BICD1: variants seen among roughly 807,000 people sequenced by gnomAD.
BICD1 encodes protein bicaudal D homolog 1.
In BICD1, 35 loss-of-function variants were observed where a neutral mutation model predicts 92.5. The observed-to-expected ratio is 0.38, with a 90% CI of 0.29 to 0.50. The LOEUF is 0.50. BICD1 is among the 20% of genes least tolerant of loss of function. The pLI, the probability that BICD1 is intolerant of heterozygous loss-of-function variation, is 0.93. For missense variants in BICD1, 950 were observed against 1,189.8 expected, an observed-to-expected ratio of 0.80 and a Z score of 2.97; for synonymous variants, 429 against 465.1, an observed-to-expected ratio of 0.92 and a Z score of 1.00.
intron 1 of BICD1, among the ~76,000 whole-genome samples, chr12:32,119,766 G>A (rs1942076349): frequency 6.6e-6 from 1 of 152,206 alleles, no homozygotes; most frequent in South Asian, 2.1e-4. Context: ...AGCTATTCGG[G>A]AGACTGAGGC....
chr12:32,178,206 A>G (rs114098527), intron 1 of BICD1, among the ~76,000 whole-genome samples: 1 of 152,040 alleles, frequency 6.6e-6, no homozygotes, highest in African/African-American at 2.4e-5. Flanking sequence ...TCAAGATTCT[A>G]TTTGTCACCG....
chr12:32,308,612 T>G (rs1353059965), intron 4 of BICD1, among the ~76,000 whole-genome samples: 2 of 152,200 alleles, frequency 1.3e-5, no homozygotes, highest in East Asian at 3.8e-4. Flanking sequence ...TTTTGGGCTA[T>G]TAGCTCAAGG....
At position 32,233,340 on chromosome 12, in the gene BICD1, A is replaced by AG; in HGVS notation, c.426+16882dup. On this transcript the variant is annotated intron_variant, in intron 2 of 9. Coordinates refer to ENST00000652176, the MANE Select transcript of BICD1 (RefSeq NM_001714.4). The stretch of plus-strand genomic sequence containing the variant: ...CTGTCTTTAAAAAAAAAAAAAAAAA[A>AG]GTAGGCTTACACATATTCCCTTTAC... Among the ~76,000 whole-genome samples the AG allele has an allele frequency of 1.5e-5, 2 of 137,506 alleles. 1 individual carries two copies. Among genetic ancestry groups the AG allele is most frequent in the South Asian group, 4.8e-4 (2 of 4,194 alleles). The allele number at this position is 137,506 out of a possible 152,430, so 90.2% of individuals were successfully genotyped here.
chr12:32,254,549 C>T (rs1946666894), intron 2 of BICD1, among the ~76,000 whole-genome samples: 1 of 152,246 alleles, frequency 6.6e-6, no homozygotes, highest in Non-Finnish European at 1.5e-5. Flanking sequence ...ATAGGCAGCA[C>T]AAGCACATAA....
intron 9 of BICD1, among the ~76,000 whole-genome samples, chr12:32,376,665 C>G (rs1335600886): frequency 6.6e-6 from 1 of 151,830 alleles, no homozygotes; most frequent in East Asian, 2.0e-4. Flanking sequence ...GTCAGGAGTT[C>G]GAGACCAGCC....
rs1055859064 is a variant in BICD1 at position 32,379,870 on chromosome 12, G to T, written c.*2243G>T. 1 of 152,154 alleles carries T rather than the reference G, an allele frequency of 6.6e-6. No individual in the cohort carries two copies. Among genetic ancestry groups the T allele is most frequent in the African/African-American group, 2.4e-5 (1 of 41,438 alleles). The allele number at this position is 152,154 out of a possible 1,614,324, so 9.4% of individuals were successfully genotyped here. Reference sequence around the variant, plus strand: ...GGAAGTATTGTCTGTGTGTGATGACGGGGCAGTATTGCCAGTCGGCAATGT... The same window carrying T: ...GGAAGTATTGTCTGTGTGTGATGACTGGGCAGTATTGCCAGTCGGCAATGT... On this transcript the variant is annotated 3_prime_UTR_variant, in exon 10 of 10. Transcript: ENST00000652176.
At chr12:32,272,361 G>A (rs769285297) in intron 2 of BICD1, among the ~76,000 whole-genome samples, 2 of 152,176 alleles carry the variant, frequency 1.3e-5, no homozygotes, top group Admixed American at 1.3e-4. Context: ...CTTCCAAGCT[G>A]TATGTCTACA....
At chr12:32,334,813 G>A in intron 6 of BICD1, 146 bp downstream of exon 6, 2 of 879,028 alleles carry the variant, frequency 2.3e-6, no homozygotes, top group South Asian at 5.3e-5. Flanking sequence ...AGTCCACTCT[G>A]ACGTATCTAA....
In BICD1 at chr12:32,337,635, T is replaced by A; in HGVS notation, c.2389T>A (p.Leu797Ile). The change falls in exon 7 of 10, where the codon TTA becomes ATA. Residue 797 changes from leucine (L) to isoleucine (I), a missense_variant. Around this residue, in one of 5 missense-constraint regions of BICD1, gnomAD observed 309 missense variants for 499.4 expected, o/e 0.62. Coordinates refer to ENST00000652176, the MANE Select transcript of BICD1 (RefSeq NM_001714.4). This position sits in a 1 kb window ranked among gnomAD's most constrained non-coding sequence, Gnocchi z 4.7. The part of the protein sequence containing the change: ...KLALTQRLED[L>I]EFDHEQSRRS... Reference sequence around the variant, plus strand: ...CGCCCTGACCCAGAGGCTGGAGGACTTAGAGTTTGACCATGAGCAGTCCCG... The same window carrying A: ...CGCCCTGACCCAGAGGCTGGAGGACATAGAGTTTGACCATGAGCAGTCCCG... The A allele has an allele frequency of 6.2e-7, 1 of 1,614,136 alleles. No homozygotes were observed. The highest frequency in any genetic ancestry group is 8.5e-7 in the Non-Finnish European group (1 of 1,180,010).
intron 2 of BICD1, among the ~76,000 whole-genome samples, chr12:32,283,152 G>T (rs1416660789): frequency 2.0e-5 from 3 of 151,030 alleles, no homozygotes; most frequent in Admixed American, 1.3e-4. Flanking sequence ...TGTAGGAAGA[G>T]GAAGAGAGAG....
chr12:32,171,550 C>A (rs888586848), intron 1 of BICD1, among the ~76,000 whole-genome samples: 1 of 152,156 alleles, frequency 6.6e-6, no homozygotes, highest in East Asian at 1.9e-4. Context: ...GTCTGGAGTA[C>A]ACAGTAAGGC....
At chr12:32,187,014 C>T (rs1483694230) in intron 1 of BICD1, among the ~76,000 whole-genome samples, 1 of 152,184 alleles carries the variant, frequency 6.6e-6, no homozygotes, top group Non-Finnish European at 1.5e-5. Flanking sequence ...TTTGAACTCT[C>T]TGGATCTCGG....
chr12:32,303,755 T>G (rs1017627124), intron 3 of BICD1, among the ~76,000 whole-genome samples: 1 of 152,248 alleles, frequency 6.6e-6, no homozygotes. Context: ...AATCTCCTCC[T>G]GTCTACCTCC....
chr12:32,107,047 G>C lies in BICD1; in HGVS notation c.-285G>C. On this transcript the variant is annotated 5_prime_UTR_variant, in exon 1 of 10. Transcript: ENST00000652176. ...GCAGCCCGGGCCATGCCGCACGGCT[G>C]CTGACCGCACGCAGGGGCCGGCCCC... 2.5e-6 allele frequency: 1 copy of C among 405,486 alleles called. No individual in the cohort carries two copies. The highest frequency in any genetic ancestry group is 2.9e-5 in the South Asian group (1 of 34,398). 25.1% of individuals were successfully genotyped at this position (405,486 alleles called of 1,614,324 possible). A position where few individuals can be genotyped will look rare whatever the true frequency, so the allele number is the denominator to read the frequency against.
intron 2 of BICD1, among the ~76,000 whole-genome samples, chr12:32,235,732 G>A (rs1055485995): frequency 2.8e-5 from 4 of 142,430 alleles, no homozygotes; most frequent in African/African-American, 1.0e-4. Context: ...ACAGAGTCTC[G>A]ATCAGCCACC....
intron 8 of BICD1, among the ~76,000 whole-genome samples, chr12:32,358,366 G>C (rs1349447815): frequency 6.6e-6 from 1 of 151,764 alleles, no homozygotes; most frequent in Non-Finnish European, 1.5e-5. Flanking sequence ...TTCCCAAAGT[G>C]CTGGGATTAC....
chr12:32,365,681 T>G (rs1229432827), intron 8 of BICD1, among the ~76,000 whole-genome samples: 1 of 152,324 alleles, frequency 6.6e-6, no homozygotes, highest in Middle Eastern at 3.4e-3. Flanking sequence ...CTTAACTGCC[T>G]GTCTGGTGGC....
chr12:32,334,294 G>A (rs971369923), intron 5 of BICD1, among the ~76,000 whole-genome samples: 4 of 152,082 alleles, frequency 2.6e-5, no homozygotes, highest in South Asian at 4.2e-4. Context: ...GGCTCGCAGC[G>A]GGCTTCTAGG....
At chr12:32,115,387 G>GTTTTTTTTTTTTTT (rs4035442) in intron 1 of BICD1, among the ~76,000 whole-genome samples, 2 of 142,416 alleles carry the variant, frequency 1.4e-5, no homozygotes, top group Admixed American at 7.1e-5. Context: ...GGTGTTTTTG[G>GTTTTTTTTTTTTTT]TTTTTTTTTT....
Sources: allele counts gnomAD v4.1 joint callset (sites outside exome capture counted in the v4.1 genomes callset), GRCh38; gene constraint gnomAD v4.1.1; regional missense constraint gnomAD v4.1.1; non-coding constraint Gnocchi (gnomAD v3.1); transcripts MANE v1.5; gene names NCBI Gene and HGNC (gene_info 2026-07-23, HGNC 2026-07-21).